The following AMBN variants were observed in gnomAD, a reference collection of about 807,000 sequenced individuals.
The protein encoded by AMBN is enamel matrix protein.
Under a neutral mutation model 48.0 loss-of-function variants are expected in AMBN, and 54 were observed. The observed-to-expected ratio is 1.12, with a 90% confidence interval of 0.90 to 1.41. The LOEUF is 1.41. Ranked by LOEUF, AMBN falls within the 40% of genes most tolerant of loss-of-function variation. AMBN has a pLI of 0.00. For synonymous variants in AMBN, 186 were observed against 190.0 expected (o/e 0.98, Z 0.17); for missense variants, 571 against 547.3 (o/e 1.04, Z -0.43).
chr4:70,605,946 C>T (rs1336981928), intron 12 of AMBN, among the ~76,000 whole-genome samples: 1 of 152,090 alleles, frequency 6.6e-6, no homozygotes, highest in East Asian at 1.9e-4. Flanking sequence ...TGCTTCTGCC[C>T]TGTTATCTCC....
At position 70,606,524 on chromosome 4, in the gene AMBN, C is replaced by A. The variant is rs1247725142; in HGVS notation, c.1138C>A (p.Pro380Thr). ...GKMKGLPSVTPAAADPLMTPE... is the reference protein window; with the variant it reads ...GKMKGLPSVTTAAADPLMTPE... Reference sequence around the variant, plus strand: ...GATGAAGGGACTCCCCAGCGTCACCCCAGCAGCTGCTGACCCACTGATGAC... The same window carrying A: ...GATGAAGGGACTCCCCAGCGTCACCACAGCAGCTGCTGACCCACTGATGAC... The change falls in exon 13 of 13, where the codon CCA (proline) becomes ACA (threonine). Residue 380 changes from proline to threonine, a missense_variant. Transcript: ENST00000322937. 3 of 1,614,124 alleles carry A rather than the reference C, an allele frequency of 1.9e-6. No individual in the cohort carries two copies. The highest frequency in any genetic ancestry group is 2.5e-6 in the Non-Finnish European group (3 of 1,180,010).
chr4:70,599,700 A>T, intron 5 of AMBN, 54 bp downstream of exon 5: 1 of 1,337,206 alleles, frequency 7.5e-7, no homozygotes, highest in South Asian at 1.3e-5. Flanking sequence ...ACCTCTTCTT[A>T]CTTGCCTTCT....
chr4:70,603,550 T>G, intron 11 of AMBN, 90 bp downstream of exon 11: 1 of 1,295,076 alleles, frequency 7.7e-7, no homozygotes, highest in South Asian at 1.3e-5. Flanking sequence ...CACAAGAGAT[T>G]CCAAATAAAC....
Position 70,606,351 on chromosome 4 carries a change from G to A in AMBN, c.965G>A (p.Gly322Asp), listed in dbSNP as rs763929179. Residue 322 changes from glycine to aspartate, a missense_variant, in exon 13 of 13, where the codon GGT (glycine) becomes GAT (aspartate). By Grantham distance (94) the Gly-to-Asp change is moderately conservative (BLOSUM62 -1). Coordinates refer to ENST00000322937, the MANE Select transcript of AMBN (RefSeq NM_016519.6). ...AAAGGCCCTGAGAACGAAGAAGGAG[G>A]TGCACAAGGCTCCCCTATGCCGGAG... ...ATKGPENEEG[G>D]AQGSPMPEAN... 7 of 1,614,022 alleles carry A rather than the reference G, an allele frequency of 4.3e-6. No individual in the cohort carries two copies. The highest frequency in any genetic ancestry group is 5.9e-6 in the Non-Finnish European group (7 of 1,179,990).
intron 12 of AMBN, 103 bp from the exon 13 acceptor site, chr4:70,606,081 CA>C (rs1682859032): frequency 7.4e-7 from 1 of 1,348,592 alleles, no homozygotes; most frequent in East Asian, 2.3e-5. Flanking sequence ...TCCTATTCTC[CA>C]CCAGTTTTTT....
intron 5 of AMBN, among the ~76,000 whole-genome samples, chr4:70,600,083 G>T (rs28590566): frequency 0.3 from 45,422 of 152,016 alleles, 7,317 homozygotes; most frequent in Middle Eastern, 0.46. Flanking sequence ...AAGGTGGGTG[G>T]ATCACTTGAG....
At chr4:70,597,375 T>C (rs1737410025) in intron 3 of AMBN, among the ~76,000 whole-genome samples, 1 of 152,116 alleles carries the variant, frequency 6.6e-6, no homozygotes. Context: ...AAATAGTTTA[T>C]TTTTAATCCT....
In AMBN at chr4:70,601,455, C is replaced by A. The variant is rs780715710; in HGVS notation, c.332C>A (p.Pro111Gln). ...TTGCCTGTGCATCCCCCACCTCTCC[C>A]ATCACAGCCATCCTTGAAGCCTCAA... is the stretch of plus-strand genomic sequence containing the variant. The part of the protein sequence containing the change: ...YSLPVHPPPL[P>Q]SQPSLKPQQP... The change falls in exon 6 of 13, where the codon CCA becomes CAA. Residue 111 changes from proline to glutamine, a missense_variant. Pro to Gln is a moderately conservative substitution (Grantham distance 76, BLOSUM62 -1). Coordinates refer to ENST00000322937, the MANE Select transcript of AMBN (RefSeq NM_016519.6). 1.5e-5 allele frequency: 24 copies of A among 1,614,090 alleles called. No homozygotes were observed. The highest frequency in any genetic ancestry group is 1.9e-5 in the Non-Finnish European group (23 of 1,180,024).
intron 5 of AMBN, among the ~76,000 whole-genome samples, chr4:70,600,995 G>T (rs765703346): frequency 1.3e-5 from 2 of 152,148 alleles, no homozygotes; most frequent in African/African-American, 2.4e-5. Context: ...CTTGTTAGGA[G>T]CTATGTTATG....
Position 70,606,634 on chromosome 4 carries a change from C to G in AMBN, c.1248C>G (p.Thr416=), listed in dbSNP as rs1165423379. The part of the protein sequence containing the change: ...VDFQEEATMD[T]TMAPNSLQTS... ...TCCAGGAAGAAGCAACCATGGATAC[C>G]ACGATGGCCCCAAACTCTCTGCAAA... The change falls in exon 13 of 13, where the codon ACC becomes ACG. Residue 416 remains threonine, a synonymous_variant. Coordinates refer to ENST00000322937, the MANE Select transcript of AMBN (RefSeq NM_016519.6). The G allele has an allele frequency of 6.2e-7, 1 of 1,614,060 alleles. No homozygotes were observed. Among genetic ancestry groups the G allele is most frequent in the Non-Finnish European group, 8.5e-7 (1 of 1,180,010 alleles).
intron 6 of AMBN, chr4:70,601,926 T>C: frequency 1.8e-6 from 1 of 553,894 alleles, no homozygotes; most frequent in South Asian, 1.5e-5. Context: ...AAAACTCCCA[T>C]AGGAAATAGA....
At chr4:70,605,929 C>T (rs1251588615) in intron 12 of AMBN, among the ~76,000 whole-genome samples, 1 of 152,184 alleles carries the variant, frequency 6.6e-6, no homozygotes, top group Non-Finnish European at 1.5e-5. Context: ...ACCTTTGCCT[C>T]AAGTCTTGCT....
Position 70,606,305 on chromosome 4 carries a change from G to A in AMBN, c.919G>A (p.Asp307Asn), listed in dbSNP as rs778278579. 6.2e-7 allele frequency: 1 copy of A among 1,614,082 alleles called. No homozygotes were observed. ...AMGGDFTLEF[D>N]SPVAATKGPE... is the part of the protein sequence containing the mutation. ...GGGCGGTGACTTCACTCTGGAATTT[G>A]ACTCCCCAGTGGCTGCCACCAAAGG... The change falls in exon 13 of 13, where the codon GAC becomes AAC. Residue 307 changes from aspartate (D) to asparagine (N), a missense_variant. Coordinates refer to ENST00000322937, the MANE Select transcript of AMBN (RefSeq NM_016519.6).
At chr4:70,593,482 A>ATATC in intron 2 of AMBN, 87 bp downstream of exon 2, 2 of 1,112,508 alleles carry the variant, frequency 1.8e-6, no homozygotes, top group Non-Finnish European at 2.7e-6. Flanking sequence ...CTGAGAGTCC[A>ATATC]CGCATAGACT....
chr4:70,606,857 T>C lies in AMBN; in HGVS notation c.*127T>C. ...GGCATTAAAAGCGCTAAGCATATAT[T>C]AATAAATGCAAGTGGCTAGAAATAG... On this transcript the variant is annotated 3_prime_UTR_variant, in exon 13 of 13. Transcript: ENST00000322937. The C allele has an allele frequency of 7.6e-6, 8 of 1,057,118 alleles. No homozygotes were observed. Among genetic ancestry groups the C allele is most frequent in the Non-Finnish European group, 9.4e-6 (7 of 746,448 alleles). The allele number at this position is 1,057,118 out of a possible 1,614,324, so 65.5% of individuals were successfully genotyped here. A position where few individuals can be genotyped will look rare whatever the true frequency, so the allele number is the denominator to read the frequency against.
Position 70,599,666 on chromosome 4 carries a change from A to G in AMBN, c.294+20A>G. 6.4e-7 allele frequency: 1 copy of G among 1,561,918 alleles called. No individual in the cohort carries two copies. Among genetic ancestry groups the G allele is most frequent in the Non-Finnish European group, 8.8e-7 (1 of 1,139,466 alleles). ...CAACAGGTGAGTGAATAGCATCAAT[A>G]TGTTTGAAACCTCAGGCTTTAAAAC... On this transcript the variant is annotated intron_variant, in intron 5 of 12. Transcript: ENST00000322937.
chr4:70,599,649 G>A lies in AMBN; in HGVS notation c.294+3G>A, dbSNP rs137900627. The A allele has an allele frequency of 9.7e-5, 154 of 1,594,226 alleles. 2 individuals carry two copies. The East Asian group carries it at 3.4e-3, about 35-fold the overall frequency. On this transcript the variant is annotated splice_donor_region_variant and intron_variant, in intron 5 of 12. Transcript: ENST00000322937. Reference sequence around the variant, plus strand: ...CAAGAGAACATGAAACTCAACAGGTGAGTGAATAGCATCAATATGTTTGAA... The same window carrying A: ...CAAGAGAACATGAAACTCAACAGGTAAGTGAATAGCATCAATATGTTTGAA...
In AMBN at chr4:70,606,199, C is replaced by T. The variant is rs1737639693; in HGVS notation, c.813C>T (p.Asp271=). 2 of 1,613,810 alleles carry T rather than the reference C, an allele frequency of 1.2e-6. No individual in the cohort carries two copies. Among genetic ancestry groups the T allele is most frequent in the Admixed American group, 1.7e-5 (1 of 59,988 alleles). The change falls in exon 13 of 13, where the codon GAC becomes GAT. Residue 271 remains aspartate (D), a synonymous_variant. Transcript: ENST00000322937. ...TTTTTTTCCAGGGCGGGAGAGAAGACCCAATGGCCTATGGAGCCATGTTTC... is the reference window on the plus strand; with the variant it reads ...TTTTTTTCCAGGGCGGGAGAGAAGATCCAATGGCCTATGGAGCCATGTTTC... ...SSEEVAGGRE[D]PMAYGAMFPG...
rs556625869 is a variant in AMBN at position 70,600,649 on chromosome 4, A to G, written c.295-769A>G. 1.6e-4 allele frequency among the ~76,000 whole-genome samples: 24 copies of G among 152,296 alleles called. 1 individual carries two copies. The South Asian group carries it at 5.0e-3, about 32-fold the overall frequency. ...TTGCTGGTCTGAGGAGTTTACAATC[A>G]ATCTACAAACAATAGGGAGCCATTC... On this transcript the variant is annotated intron_variant, in intron 5 of 12. Transcript: ENST00000322937.
Sources: gnomAD v4.1 joint callset for allele counts (sites outside exome capture counted in the v4.1 genomes callset) on GRCh38, gnomAD v4.1.1 for gene constraint, MANE v1.5 for transcripts, NCBI Gene and HGNC (gene_info 2026-07-23, HGNC 2026-07-21) for gene names.